POT1: variants seen among roughly 807,000 people sequenced by gnomAD.
The protein encoded by POT1 is protection of telomeres protein 1.
In POT1, 47 loss-of-function variants were observed where a neutral mutation model predicts 78.5. The observed-to-expected ratio is 0.60, with a 90% confidence interval of 0.47 to 0.76. POT1 has a LOEUF of 0.76. POT1 is among the 30% of genes least tolerant of loss of function. The probability of loss-of-function intolerance (pLI) is 0.00; values close to 1 mark genes in which losing one functional copy is unlikely to be tolerated. For synonymous variants in POT1, 259 were observed against 260.7 expected (o/e 0.99, Z 0.06); for missense variants, 646 against 749.9 (o/e 0.86, Z 1.62).
intron 6 of POT1, among the ~76,000 whole-genome samples, chr7:124,875,564 A>T (rs1026141738): frequency 2.0e-5 from 3 of 152,192 alleles, no homozygotes; most frequent in African/African-American, 7.2e-5. Context: ...GAAGTCATTT[A>T]ACCATTATTA....
intron 7 of POT1, among the ~76,000 whole-genome samples, chr7:124,870,017 C>T (rs1795829324): frequency 6.6e-6 from 1 of 152,046 alleles, no homozygotes; most frequent in Non-Finnish European, 1.5e-5. Context: ...CGTTTATGAG[C>T]AGCAGACTGA....
intron 10 of POT1, among the ~76,000 whole-genome samples, chr7:124,852,420 T>C (rs772827644): frequency 1.3e-5 from 2 of 152,156 alleles, no homozygotes; most frequent in African/African-American, 4.8e-5. Context: ...TTCTAGAATA[T>C]TGACCAAAAT....
intron 15 of POT1, among the ~76,000 whole-genome samples, chr7:124,833,439 C>T (rs1794817798): frequency 6.6e-6 from 1 of 152,172 alleles, no homozygotes; most frequent in Non-Finnish European, 1.5e-5. Flanking sequence ...GATGATAAAA[C>T]ATATGTTATA....
chr7:124,870,352 C>T (rs1795837777), intron 7 of POT1, among the ~76,000 whole-genome samples: 1 of 151,964 alleles, frequency 6.6e-6, no homozygotes, highest in Non-Finnish European at 1.5e-5. Context: ...AATAACTCTA[C>T]CCTATATTAA....
At chr7:124,828,217 A>G (rs1447435378) in intron 16 of POT1, among the ~76,000 whole-genome samples, 1 of 152,146 alleles carries the variant, frequency 6.6e-6, no homozygotes, top group African/African-American at 2.4e-5. Context: ...CCTTTCTATT[A>G]TAAGCTAGGG....
intron 12 of POT1, among the ~76,000 whole-genome samples, chr7:124,845,942 T>C (rs1795152734): frequency 6.6e-6 from 1 of 152,162 alleles, no homozygotes; most frequent in African/African-American, 2.4e-5. Context: ...AGAACCCCCT[T>C]ACTTTCTAGT....
intron 2 of POT1, among the ~76,000 whole-genome samples, chr7:124,926,470 T>A (rs889283492): frequency 4.6e-5 from 7 of 152,216 alleles, no homozygotes; most frequent in Non-Finnish European, 8.8e-5. Flanking sequence ...GGAATTGTTA[T>A]ACACTGTCGG....
At chr7:124,908,679 A>C (rs1404555315) in intron 3 of POT1, among the ~76,000 whole-genome samples, 4 of 151,954 alleles carry the variant, frequency 2.6e-5, no homozygotes, top group Non-Finnish European at 5.9e-5. Flanking sequence ...TCCAGGGGAC[A>C]CTATGCTCTA....
At chr7:124,916,904 ACT>A (rs1293111662) in intron 2 of POT1, among the ~76,000 whole-genome samples, 3 of 151,954 alleles carry the variant, frequency 2.0e-5, no homozygotes, top group Non-Finnish European at 4.4e-5. Context: ...AAGGCTGGAA[ACT>A]CTGCTTGGCT....
rs189573411 is a variant in POT1 at position 124,872,362 on chromosome 7, T to C, written c.125-1321A>G. On this transcript the variant is annotated intron_variant, in intron 6 of 18. Transcript: ENST00000357628. ...GTACTCCCTATCTGAAGTGTCACTT[T>C]CCACAGTTTCAGTTTCCTGCAGTCA... Among the ~76,000 whole-genome samples the C allele has an allele frequency of 1.1e-3, 175 of 152,332 alleles. 1 individual carries two copies. The highest frequency in any genetic ancestry group is 3.8e-3 in the African/African-American group (159 of 41,586).
chr7:124,929,507 G>A (rs1275056828), intron 1 of POT1: 2 of 152,060 alleles, frequency 1.3e-5, no homozygotes, highest in African/African-American at 4.8e-5. Flanking sequence ...CAGACCTCTT[G>A]ACGGGGACAC....
intron 18 of POT1, among the ~76,000 whole-genome samples, chr7:124,824,702 A>C (rs1042033479): frequency 4.6e-5 from 7 of 152,102 alleles, no homozygotes; most frequent in African/African-American, 1.7e-4. Context: ...GTTTCAACAT[A>C]AGTACAAATA....
chr7:124,824,074 T>C lies in POT1; in HGVS notation c.1793A>G (p.Asp598Gly), dbSNP rs1794572863. 6.3e-7 allele frequency: 1 copy of C among 1,574,814 alleles called. No homozygotes were observed. The highest frequency in any genetic ancestry group is 2.3e-5 in the East Asian group (1 of 44,224). ...GAAGCATTCCAACCACGGATATGCA[T>C]CTACAAAAACAAAAACAAAAAAAGC... ...DMFCPPGIKIDAYPWLECFIK... is the reference protein window; with the variant it reads ...DMFCPPGIKIGAYPWLECFIK... The change falls in exon 19 of 19, where the codon GAT becomes GGT. Residue 598 changes from aspartate to glycine, a missense_variant and splice_region_variant. Around this residue, in one of 2 missense-constraint regions of POT1, gnomAD observed 394 missense variants for 408.4 expected, o/e 0.96. Coordinates refer to ENST00000357628, the MANE Select transcript of POT1 (RefSeq NM_015450.3).
chr7:124,917,094 C>T (rs761623612), intron 2 of POT1, among the ~76,000 whole-genome samples: 5 of 152,042 alleles, frequency 3.3e-5, no homozygotes, highest in Non-Finnish European at 5.9e-5. Flanking sequence ...AGGTGTAAGG[C>T]CCAGACCTAT....
chr7:124,902,987 T>C (rs1330012346), intron 3 of POT1, among the ~76,000 whole-genome samples: 2 of 152,148 alleles, frequency 1.3e-5, no homozygotes, highest in Non-Finnish European at 2.9e-5. Context: ...ATCCTAAATA[T>C]ATATGCACCC....
chr7:124,825,784 C>G (rs1052882656), intron 17 of POT1, among the ~76,000 whole-genome samples: 33 of 152,176 alleles, frequency 2.2e-4, no homozygotes, highest in African/African-American at 8.0e-4. Context: ...TTGTTCACCG[C>G]TGTGTCTCCA....
At chr7:124,926,114 A>G (rs952467067) in intron 2 of POT1, among the ~76,000 whole-genome samples, 1 of 152,178 alleles carries the variant, frequency 6.6e-6, no homozygotes, top group Non-Finnish European at 1.5e-5. Flanking sequence ...ATGAAACTTA[A>G]TTAAGCTAAA....
chr7:124,903,206 A>G (rs1796668227), intron 3 of POT1, among the ~76,000 whole-genome samples: 1 of 152,194 alleles, frequency 6.6e-6, no homozygotes, highest in South Asian at 2.1e-4. Context: ...CTCCACTCCA[A>G]ATCAACAGAA....
At chr7:124,868,262 A>T (rs1027159610) in intron 7 of POT1, among the ~76,000 whole-genome samples, 1 of 152,200 alleles carries the variant, frequency 6.6e-6, no homozygotes, top group Non-Finnish European at 1.5e-5. Flanking sequence ...AAAGAGTGTA[A>T]GGAAGCACTA....
Sources: allele counts gnomAD v4.1 joint callset (sites outside exome capture counted in the v4.1 genomes callset), GRCh38; gene constraint gnomAD v4.1.1; regional missense constraint gnomAD v4.1.1; transcripts MANE v1.5; gene names NCBI Gene and HGNC (gene_info 2026-07-23, HGNC 2026-07-21).